CDK13: variants seen among roughly 807,000 people sequenced by gnomAD.
CDK13 encodes cyclin-dependent kinase 13.
CDK13 carries 40 observed loss-of-function variants against 137.6 expected under a neutral mutation model. That is an observed-to-expected ratio of 0.29 (90% confidence interval 0.23 to 0.38). The LOEUF is 0.38. Ranked by LOEUF, CDK13 falls within the 10% of genes least tolerant of loss-of-function variation. The pLI is 1.00. For missense variants in CDK13, 1,704 were observed against 1,951.8 expected, an observed-to-expected ratio of 0.87 and a Z score of 2.39; for synonymous variants, 869 against 760.1, an observed-to-expected ratio of 1.14 and a Z score of -2.36.
At chr7:40,000,420 A>G (rs2116322201) in intron 4 of CDK13, among the ~76,000 whole-genome samples, 2 of 152,242 alleles carry the variant, frequency 1.3e-5, no homozygotes. Flanking sequence ...GTGGGCACCT[A>G]TAATCCCAGC....
chr7:40,025,937 A>G (rs545218669), intron 5 of CDK13, among the ~76,000 whole-genome samples: 1 of 152,270 alleles, frequency 6.6e-6, no homozygotes, highest in South Asian at 2.1e-4. Context: ...TGCCAAAGTA[A>G]GCCAAGGTTT....
chr7:40,009,033 GTAGGTT>G (rs1256559682), intron 5 of CDK13, among the ~76,000 whole-genome samples: 1 of 152,120 alleles, frequency 6.6e-6, no homozygotes, highest in African/African-American at 2.4e-5. Context: ...ATGTTAATGT[GTAGGTT>G]TTCTTTACTT....
At chr7:40,038,117 TTC>T (rs1165359714) in intron 5 of CDK13, among the ~76,000 whole-genome samples, 1 of 152,194 alleles carries the variant, frequency 6.6e-6, no homozygotes, top group African/African-American at 2.4e-5. Flanking sequence ...CTTTTTCTTG[TTC>T]TCTCCCTTAC....
chr7:40,036,703 T>TA (rs17537999), intron 5 of CDK13, among the ~76,000 whole-genome samples: 8,306 of 145,564 alleles, frequency 0.057, 702 homozygotes, highest in African/African-American at 0.19. Context: ...CCTGTCAACT[T>TA]AAAAAAAAAA....
rs1787121538 is a variant in CDK13, at chr7:39,950,668, G to C, written c.27G>C (p.Leu9=). The C allele has an allele frequency of 7.2e-7, 1 of 1,382,220 alleles. No individual in the cohort carries two copies. Among genetic ancestry groups the C allele is most frequent in the Admixed American group, 3.5e-5 (1 of 28,650 alleles). 85.6% of individuals were successfully genotyped at this position (1,382,220 alleles called of 1,614,324 possible). The change falls in exon 1 of 14, where the codon CTG becomes CTC. Residue 9 remains leucine, a synonymous_variant. Coordinates refer to ENST00000181839, the MANE Select transcript of CDK13 (RefSeq NM_003718.5). The part of the protein sequence containing the change: MPSSSDTA[L]GGGGGLSWAE... ...TGCCGAGCAGCTCGGACACGGCGCT[G>C]GGGGGAGGCGGGGGCCTGAGCTGGG...
chr7:40,087,888 A>G (rs1786827081), intron 11 of CDK13, among the ~76,000 whole-genome samples: 2 of 152,100 alleles, frequency 1.3e-5, no homozygotes, highest in Non-Finnish European at 2.9e-5. Context: ...ATTTTGATAA[A>G]TGATTATTTA....
At position 40,094,286 on chromosome 7, in the gene CDK13, A is replaced by G; in HGVS notation, c.3845A>G (p.Gln1282Arg). 6 of 1,613,030 alleles carry G rather than the reference A, an allele frequency of 3.7e-6. No homozygotes were observed. Among genetic ancestry groups the G allele is most frequent in the Non-Finnish European group, 5.1e-6 (6 of 1,179,542 alleles). ...GATCTAGATTATCGGACAGAAAACC[A>G]GCATGTACCCACCACCAGTTCTTCA... ...EEDLDYRTENQHVPTTSSSLT... is the reference protein window; with the variant it reads ...EEDLDYRTENRHVPTTSSSLT... The change falls in exon 14 of 14, where the codon CAG becomes CGG. Residue 1282 changes from glutamine to arginine, a missense_variant. By Grantham distance (43) the Gln-to-Arg change is conservative (BLOSUM62 1). Around this residue, in one of 5 missense-constraint regions of CDK13, gnomAD observed 475 missense variants for 579.3 expected, o/e 0.82. Coordinates refer to ENST00000181839, the MANE Select transcript of CDK13 (RefSeq NM_003718.5).
intron 5 of CDK13, among the ~76,000 whole-genome samples, chr7:40,018,822 A>T (rs1205581703): frequency 1.3e-5 from 2 of 152,150 alleles, no homozygotes; most frequent in Admixed American, 1.3e-4. Context: ...AAAATTTCAT[A>T]CTTCACCGCT....
chr7:40,011,269 A>T (rs1361230468), intron 5 of CDK13, among the ~76,000 whole-genome samples: 1 of 152,146 alleles, frequency 6.6e-6, no homozygotes, highest in African/African-American at 2.4e-5. Flanking sequence ...CATGCCCATA[A>T]TCCCAACCCC....
chr7:39,992,163 GGTGTGTGTGTGT>G (rs140203379), intron 2 of CDK13, among the ~76,000 whole-genome samples: 23,320 of 146,254 alleles, frequency 0.16, 2,258 homozygotes, highest in Middle Eastern at 0.28. Context: ...AACTAATGAG[GGTGTGTGTGTGT>G]GTGTGTGTGT....
At chr7:40,016,248 T>G (rs1375591406) in intron 5 of CDK13, among the ~76,000 whole-genome samples, 1 of 152,188 alleles carries the variant, frequency 6.6e-6, no homozygotes, top group African/African-American at 2.4e-5. Context: ...TGGGGGATTG[T>G]TTTACTTTTG....
chr7:40,033,636 T>C (rs1785424509), intron 5 of CDK13, among the ~76,000 whole-genome samples: 1 of 152,188 alleles, frequency 6.6e-6, no homozygotes, highest in Non-Finnish European at 1.5e-5. Context: ...CCCTGTTGTC[T>C]TTTGGTTTCT....
intron 10 of CDK13, 170 bp from the exon 11 acceptor site, chr7:40,078,550 C>T (rs924636128): frequency 5.4e-5 from 17 of 313,976 alleles, no homozygotes; most frequent in Middle Eastern, 9.2e-4. Context: ...AAGGAAAATT[C>T]GGATTTATTG....
chr7:40,060,515 C>A (rs1196375586), intron 7 of CDK13, among the ~76,000 whole-genome samples: 1 of 152,128 alleles, frequency 6.6e-6, no homozygotes, highest in East Asian at 1.9e-4. Flanking sequence ...GGGCAATATA[C>A]ATTAAGGTGC....
chr7:40,028,545 C>T (rs1785296061), intron 5 of CDK13, among the ~76,000 whole-genome samples: 1 of 151,996 alleles, frequency 6.6e-6, no homozygotes, highest in Non-Finnish European at 1.5e-5. Flanking sequence ...AGGGTTTTTA[C>T]AGACCTGTTG....
intron 11 of CDK13, among the ~76,000 whole-genome samples, chr7:40,082,486 CAAAAAAAAA>C (rs70996879): frequency 1.2e-4 from 9 of 74,792 alleles, no homozygotes; most frequent in East Asian, 6.8e-4. Flanking sequence ...ACTCCATTTC[CAAAAAAAAA>C]AAAAAAAAAA....
chr7:39,987,874 C>A lies in CDK13; in HGVS notation c.1487C>A (p.Thr496Asn). 6.2e-7 allele frequency: 1 copy of A among 1,614,234 alleles called. No individual in the cohort carries two copies. The highest frequency in any genetic ancestry group is 8.5e-7 in the Non-Finnish European group (1 of 1,180,044). ...AAKASNTSTP[T>N]KGNTETSASA... ...AAAGCTTCAAACACTTCTACACCTA[C>A]CAAGGGGAACACGGAAACTAGTGCC... is the stretch of plus-strand genomic sequence containing the variant. The change falls in exon 2 of 14, where the codon ACC becomes AAC. Residue 496 changes from threonine (T) to asparagine (N), a missense_variant. By Grantham distance (65) the Thr-to-Asn change is moderately conservative. Around this residue, in one of 5 missense-constraint regions of CDK13, gnomAD observed 1,051 missense variants for 931.0 expected, o/e 1.13. Coordinates refer to ENST00000181839, the MANE Select transcript of CDK13 (RefSeq NM_003718.5).
At chr7:40,082,605 A>T (rs1021073134) in intron 11 of CDK13, among the ~76,000 whole-genome samples, 2 of 151,578 alleles carry the variant, frequency 1.3e-5, no homozygotes, top group Non-Finnish European at 2.9e-5. Flanking sequence ...AACCTGGCCG[A>T]CATGGCGAAA....
chr7:40,009,638 A>G (rs1784856652), intron 5 of CDK13, among the ~76,000 whole-genome samples: 1 of 152,210 alleles, frequency 6.6e-6, no homozygotes, highest in African/African-American at 2.4e-5. Flanking sequence ...GATCAATAGG[A>G]ATTGAATTGA....
Sources: gnomAD v4.1 joint callset for allele counts (sites outside exome capture counted in the v4.1 genomes callset) on GRCh38, gnomAD v4.1.1 for gene constraint, gnomAD v4.1.1 regional missense constraint, MANE v1.5 for transcripts, NCBI Gene and HGNC (gene_info 2026-07-23, HGNC 2026-07-21) for gene names.